Variants in RNF213 observed in about 807,000 individuals in gnomAD.
The protein encoded by RNF213 is E3 ubiquitin-protein ligase RNF213.
RNF213 carries 341 observed loss-of-function variants against 514.4 expected under a neutral mutation model. The ratio of observed to expected loss-of-function variants is 0.66; its 90% CI spans 0.61 to 0.73. The LOEUF (loss-of-function observed/expected upper bound fraction) is 0.73. RNF213 is among the 30% of genes least tolerant of loss of function. The pLI, the probability that RNF213 is intolerant of heterozygous loss-of-function variation, is 0.00. For synonymous variants in RNF213, 2,655 were observed against 2,658.2 expected, an observed-to-expected ratio of 1.00 and a Z score of 0.04; for missense variants, 5,767 against 6,615.6, an observed-to-expected ratio of 0.87 and a Z score of 4.45.
chr17:80,295,522 A>G lies in RNF213; in HGVS notation c.1756-35A>G, dbSNP rs200004017. The G allele has an allele frequency of 1.7e-5, 27 of 1,613,488 alleles. No homozygotes were observed. The Admixed American group carries it at 2.2e-4, about 13-fold the overall frequency. On this transcript the variant is annotated intron_variant, in intron 9 of 67. Coordinates refer to ENST00000582970, the MANE Select transcript of RNF213 (RefSeq NM_001256071.3). ...GGACACTGCCGGTGAATTCAAGTCC[A>G]TGGTTCATGCATCTTCCTCTTCTCC... is the stretch of plus-strand genomic sequence containing the variant.
chr17:80,305,487 T>C (rs990101956), intron 11 of RNF213, among the ~76,000 whole-genome samples: 6 of 151,646 alleles, frequency 4.0e-5, no homozygotes, highest in African/African-American at 1.5e-4. Flanking sequence ...CTGATTTTAT[T>C]ACTATTTTTT....
intron 20 of RNF213, among the ~76,000 whole-genome samples, chr17:80,330,374 G>A (rs1294389299): frequency 6.6e-6 from 1 of 152,222 alleles, no homozygotes; most frequent in Admixed American, 6.5e-5. Context: ...TCTGCGGGGT[G>A]CTGCCGTGGG....
At chr17:80,364,700 T>C in intron 42 of RNF213, 147 bp downstream of exon 42, 1 of 878,144 alleles carries the variant, frequency 1.1e-6, no homozygotes, top group Non-Finnish European at 1.8e-6. Context: ...ATTTCATCAC[T>C]AGGCCATTAC....
intron 10 of RNF213, among the ~76,000 whole-genome samples, chr17:80,296,744 A>T (rs1284540388): frequency 2.6e-5 from 4 of 152,082 alleles, no homozygotes; most frequent in African/African-American, 4.8e-5. Flanking sequence ...AGTGCAGTGG[A>T]GCAATCAGCT....
chr17:80,264,583 G>A lies in RNF213; in HGVS notation c.97+805G>A, dbSNP rs2043542641. On this transcript the variant is annotated intron_variant, in intron 2 of 67. Coordinates refer to ENST00000582970, the MANE Select transcript of RNF213 (RefSeq NM_001256071.3). The surrounding 1 kb of genome is among the most constrained non-coding windows in gnomAD (Gnocchi z 5.0). ...CTGGTGAGGGCACCTCATTCTTCCA[G>A]CTGCTTCTATCGGACCCATCACCCC... Among the ~76,000 whole-genome samples the A allele has an allele frequency of 6.6e-6, 1 of 152,080 alleles. No individual in the cohort carries two copies. Among genetic ancestry groups the A allele is most frequent in the Admixed American group, 6.6e-5 (1 of 15,254 alleles).
intron 41 of RNF213, 29 bp downstream of exon 41, chr17:80,363,819 T>C (rs2144400297): frequency 6.2e-7 from 1 of 1,606,684 alleles, no homozygotes; most frequent in East Asian, 2.2e-5. Context: ...CACCCACTGC[T>C]TCATCTGGCG....
chr17:80,390,015 C>T lies in RNF213; in HGVS notation c.15289C>T (p.Pro5097Ser). The change falls in exon 67 of 68, where the codon CCA (proline) becomes TCA (serine). Residue 5097 changes from proline to serine, a missense_variant. Physicochemically the swap from Pro to Ser is moderately conservative, Grantham distance 74 (BLOSUM62 -1). Around this residue, in one of 13 missense-constraint regions of RNF213, gnomAD observed 1,245 missense variants for 1,339.0 expected, o/e 0.93. Transcript: ENST00000582970. ...SEQLLRLHKE[P>S]FGEISSRYKA... Reference sequence around the variant, plus strand: ...ATTTGCTCTTCCGTCGTTTTAGGAGCCATTTGGGGAAATCAGTTCAAGGTA... The same window carrying T: ...ATTTGCTCTTCCGTCGTTTTAGGAGTCATTTGGGGAAATCAGTTCAAGGTA... The T allele has an allele frequency of 6.2e-7, 1 of 1,614,212 alleles. No homozygotes were observed. Among genetic ancestry groups the T allele is most frequent in the Non-Finnish European group, 8.5e-7 (1 of 1,180,036 alleles).
At chr17:80,392,420 C>T (rs938273326) in intron 67 of RNF213, among the ~76,000 whole-genome samples, 2 of 152,132 alleles carry the variant, frequency 1.3e-5, no homozygotes, top group African/African-American at 4.8e-5. Context: ...AAATAAACAT[C>T]ACCTTGCTAG....
rs765028715 is a variant in RNF213, at chr17:80,298,388, G to A, written c.2080G>A (p.Ala694Thr). ...MDTRTYTWLG[A>T]LPVLHCCMEL... ...CACAAGGACGTACACCTGGCTGGGC[G>A]CCCTGCCTGTCCTGCACTGCTGTAT... The change falls in exon 11 of 68, where the codon GCC becomes ACC. Residue 694 changes from alanine (A) to threonine (T), a missense_variant. Physicochemically the swap from Ala to Thr is moderately conservative, Grantham distance 58. Coordinates refer to ENST00000582970, the MANE Select transcript of RNF213 (RefSeq NM_001256071.3). 6.0e-5 allele frequency: 97 copies of A among 1,614,062 alleles called. 1 individual carries two copies. In the South Asian group the frequency reaches 8.3e-4, roughly 14 times the overall value.
intron 10 of RNF213, among the ~76,000 whole-genome samples, chr17:80,297,651 G>A (rs532213287): frequency 7.9e-5 from 12 of 151,266 alleles, no homozygotes; most frequent in Admixed American, 1.3e-4. Flanking sequence ...GCCAGGCATG[G>A]TGGCGGGCAC....
intron 23 of RNF213, chr17:80,336,764 C>T: frequency 2.9e-6 from 1 of 349,278 alleles, no homozygotes. Flanking sequence ...ATTAGCCAGG[C>T]ATGGTGGTGT....
intron 2 of RNF213, among the ~76,000 whole-genome samples, chr17:80,270,260 C>T (rs1365587721): frequency 6.6e-6 from 1 of 152,262 alleles, no homozygotes; most frequent in Non-Finnish European, 1.5e-5. Context: ...AGCAACAGGC[C>T]TATCCTGGGC....
At chr17:80,285,747 C>T (rs2044449571) in intron 3 of RNF213, among the ~76,000 whole-genome samples, 5 of 152,050 alleles carry the variant, frequency 3.3e-5, no homozygotes, top group East Asian at 3.9e-4. Context: ...ATCGGCTGAC[C>T]GCAGCCTCTG....
At chr17:80,273,126 C>G in intron 2 of RNF213, 115 bp from the exon 3 acceptor site, 1 of 1,418,490 alleles carries the variant, frequency 7.0e-7, no homozygotes, top group Non-Finnish European at 9.9e-7. Flanking sequence ...AATGCAGGAC[C>G]TCGGAGGGAG....
rs771308296 is a variant in RNF213 at position 80,298,425 on chromosome 17, C to T, written c.2117C>T (p.Pro706Leu). The T allele has an allele frequency of 4.0e-5, 65 of 1,614,062 alleles. No homozygotes were observed. Among genetic ancestry groups the T allele is most frequent in the Non-Finnish European group, 4.9e-5 (58 of 1,180,050 alleles). The change falls in exon 11 of 68, where the codon CCG becomes CTG. Residue 706 changes from proline (P) to leucine (L), a missense_variant. Transcript: ENST00000582970. Reference protein sequence around the residue: ...PVLHCCMELAPRHKDAWRQPE... With the variant: ...PVLHCCMELALRHKDAWRQPE... ...CTGCACTGCTGTATGGAGCTGGCCC[C>T]GCGGCACAAGGATGCCTGGAGACAG...
chr17:80,371,253 T>C (rs2079506970), intron 46 of RNF213, among the ~76,000 whole-genome samples: 1 of 152,390 alleles, frequency 6.6e-6, no homozygotes, highest in East Asian at 1.9e-4. Context: ...CATTTATCAC[T>C]GTGGGCACAG....
At position 80,380,971 on chromosome 17, in the gene RNF213, C is replaced by G; in HGVS notation, c.13781C>G (p.Ala4594Gly). The G allele has an allele frequency of 6.2e-7, 1 of 1,614,188 alleles. No individual in the cohort carries two copies. ...LLTHLALLLGASQSSQALINI... is the reference protein window; with the variant it reads ...LLTHLALLLGGSQSSQALINI... ...ACTCACTTGGCTCTGCTTCTGGGAG[C>G]GTCCCAGAGTTCCCAGGTATAACCC... Residue 4594 changes from alanine to glycine, a missense_variant, in exon 56 of 68, where the codon GCG (alanine) becomes GGG (glycine). Physicochemically the swap from Ala to Gly is moderately conservative, Grantham distance 60. Coordinates refer to ENST00000582970, the MANE Select transcript of RNF213 (RefSeq NM_001256071.3).
Position 80,346,824 on chromosome 17 carries a change from A to C in RNF213, c.8489A>C (p.Gln2830Pro), listed in dbSNP as rs1395679385. 6.2e-7 allele frequency: 1 copy of C among 1,613,990 alleles called. No individual in the cohort carries two copies. The highest frequency in any genetic ancestry group is 1.3e-5 in the African/African-American group (1 of 74,924). ...TTCCGGCAGTGCGCCCGCTTTCAGC[A>C]GGGGAAGGACCTGCAGCAGTACGTC... Reference protein sequence around the residue: ...STFRQCARFQQGKDLQQYVSV... With the variant: ...STFRQCARFQPGKDLQQYVSV... Residue 2830 changes from glutamine (Q) to proline (P), a missense_variant, in exon 29 of 68, where the codon CAG (glutamine) becomes CCG (proline). Transcript: ENST00000582970. This position sits in a 1 kb window ranked among gnomAD's most constrained non-coding sequence, Gnocchi z 8.1.
At chr17:80,391,927 C>T (rs983824904) in intron 67 of RNF213, among the ~76,000 whole-genome samples, 11 of 151,558 alleles carry the variant, frequency 7.3e-5, no homozygotes, top group Non-Finnish European at 1.3e-4. Flanking sequence ...TGCACCTGCC[C>T]GGCTAATTTT....
Sources: allele counts gnomAD v4.1 joint callset (sites outside exome capture counted in the v4.1 genomes callset), GRCh38; gene constraint gnomAD v4.1.1; regional missense constraint gnomAD v4.1.1; non-coding constraint Gnocchi (gnomAD v3.1); transcripts MANE v1.5; gene names NCBI Gene and HGNC (gene_info 2026-07-23, HGNC 2026-07-21).